Variants in MLST8 observed in about 807,000 individuals in gnomAD.
The protein encoded by MLST8 is target of rapamycin complex subunit LST8.
Under a neutral mutation model 41.3 loss-of-function variants are expected in MLST8, and 20 were observed. That is an observed-to-expected ratio of 0.48 (90% CI 0.34 to 0.70). MLST8 has a LOEUF of 0.70. Among genes scored for constraint, MLST8 ranks in the 30% least tolerant of loss-of-function variants. The probability of loss-of-function intolerance (pLI) is 0.01; values close to 1 mark genes in which losing one functional copy is unlikely to be tolerated. For synonymous variants in MLST8, 243 were observed against 183.0 expected, an observed-to-expected ratio of 1.33 and a Z score of -2.65; for missense variants, 422 against 454.3, an observed-to-expected ratio of 0.93 and a Z score of 0.65.
rs1356315329 is a variant in MLST8, at chr16:2,206,105, C to T, written c.20C>T (p.Thr7Met). MNTSPG[T>M]VGSDPVILAT... Reference sequence around the variant, plus strand: ...CACACCATGAACACCTCCCCAGGCACGGTGGGCAGTGACCCGGTCATCCTG... The same window carrying T: ...CACACCATGAACACCTCCCCAGGCATGGTGGGCAGTGACCCGGTCATCCTG... The change falls in exon 2 of 9, where the codon ACG becomes ATG. Residue 7 changes from threonine to methionine, a missense_variant. Coordinates refer to ENST00000569417, the MANE Select transcript of MLST8 (RefSeq NM_022372.6). The T allele has an allele frequency of 1.9e-6, 3 of 1,606,316 alleles. No homozygotes were observed. The highest frequency in any genetic ancestry group is 2.6e-6 in the Non-Finnish European group (3 of 1,175,194).
Position 2,208,357 on chromosome 16 carries a change from C to T in MLST8, c.698+23C>T, listed in dbSNP as rs745524005. On this transcript the variant is annotated intron_variant, in intron 7 of 8. Transcript: ENST00000569417. ...CACGTGCGTGCAGGGCCTGCTGGCCCGGGAGGGGACCTGCCTGGGCTGGGG... is the reference window on the plus strand; with the variant it reads ...CACGTGCGTGCAGGGCCTGCTGGCCTGGGAGGGGACCTGCCTGGGCTGGGG... The T allele has an allele frequency of 5.6e-5, 90 of 1,604,702 alleles. No homozygotes were observed. In the East Asian group the frequency reaches 9.6e-4, roughly 17 times the overall value.
Position 2,206,492 on chromosome 16 carries a change from C to A in MLST8, c.182-5C>A. Reference sequence around the variant, plus strand: ...GCCAAGCTTCAGTTCAGCCTGTGTCCCTAGGTTACCAGCACATCCGCATGT... The same window carrying A: ...GCCAAGCTTCAGTTCAGCCTGTGTCACTAGGTTACCAGCACATCCGCATGT... On this transcript the variant is annotated splice_region_variant and splice_polypyrimidine_tract_variant and intron_variant, in intron 3 of 8. Transcript: ENST00000569417. 8 of 1,611,108 alleles carry A rather than the reference C, an allele frequency of 5.0e-6. No homozygotes were observed. The highest frequency in any genetic ancestry group is 6.8e-6 in the Non-Finnish European group (8 of 1,177,484).
In MLST8 at chr16:2,206,393, C is replaced by T. The variant is rs761566372; in HGVS notation, c.165C>T (p.Ser55=). The change falls in exon 3 of 9, where the codon AGC becomes AGT. Residue 55 remains serine (S), a synonymous_variant. Transcript: ENST00000569417. ...CCTTGGAGGTCACACCGGACCGCAG[C>T]ATGATTGCTGCTGCAGGTATCTGTG... ...VNALEVTPDR[S]MIAAAGYQHI... 1 of 1,614,188 alleles carries T rather than the reference C, an allele frequency of 6.2e-7. No individual in the cohort carries two copies. The highest frequency in any genetic ancestry group is 1.1e-5 in the South Asian group (1 of 91,088).
chr16:2,206,316 GC>G, intron 2 of MLST8, 41 bp from the exon 3 acceptor site: 1 of 1,611,532 alleles, frequency 6.2e-7, no homozygotes, highest in South Asian at 1.1e-5. Context: ...GGGGGCCCTG[GC>G]CTCAGGGCTA....
chr16:2,207,026 G>C lies in MLST8; in HGVS notation c.345-9G>C, dbSNP rs901138450. 6.2e-7 allele frequency: 1 copy of C among 1,612,812 alleles called. No individual in the cohort carries two copies. Among genetic ancestry groups the C allele is most frequent in the African/African-American group, 1.3e-5 (1 of 75,032 alleles). ...AGATGGACAGCATGTGCCCCGGCCCGGCCCGCAGGTCCCGGAACCTGCAGT... is the reference window on the plus strand; with the variant it reads ...AGATGGACAGCATGTGCCCCGGCCCCGCCCGCAGGTCCCGGAACCTGCAGT... On this transcript the variant is annotated splice_polypyrimidine_tract_variant and intron_variant, in intron 4 of 8. Coordinates refer to ENST00000569417, the MANE Select transcript of MLST8 (RefSeq NM_022372.6).
chr16:2,206,340 C>T lies in MLST8; in HGVS notation c.130-18C>T, dbSNP rs1490915739. ...GGCCTCAGGGCTACCTTCCCGTCAT[C>T]CTCCTTAACAGTCCCAGCAGGTGAA... On this transcript the variant is annotated intron_variant, in intron 2 of 8. Coordinates refer to ENST00000569417, the MANE Select transcript of MLST8 (RefSeq NM_022372.6). The T allele has an allele frequency of 6.8e-6, 11 of 1,613,626 alleles. No individual in the cohort carries two copies. The highest frequency in any genetic ancestry group is 1.3e-5 in the African/African-American group (1 of 74,942).
chr16:2,207,435 C>G, intron 6 of MLST8, 90 bp downstream of exon 6: 1 of 1,488,308 alleles, frequency 6.7e-7, no homozygotes, highest in Non-Finnish European at 9.1e-7. Flanking sequence ...TGTCCCTTAG[C>G]GGCCCCCTCC....
chr16:2,208,662 C>G, intron 8 of MLST8, 49 bp downstream of exon 8: 1 of 1,612,370 alleles, frequency 6.2e-7, no homozygotes, highest in South Asian at 1.1e-5. Context: ...GCGCTGGCCT[C>G]CAGAGCCAGC....
intron 8 of MLST8, 38 bp downstream of exon 8, chr16:2,208,651 G>T: frequency 6.2e-7 from 1 of 1,611,736 alleles, no homozygotes; most frequent in Non-Finnish European, 8.5e-7. Context: ...CCTGGCCCCC[G>T]GCGCTGGCCT....
At chr16:2,206,840 G>A (rs1337288657) in intron 4 of MLST8, 181 bp downstream of exon 4, 8 of 1,018,976 alleles carry the variant, frequency 7.9e-6, no homozygotes, top group Admixed American at 2.0e-5. Flanking sequence ...CCTTGAGCCC[G>A]GAGCCAGCTT....
chr16:2,208,640 C>T (rs1441835213), intron 8 of MLST8, 27 bp downstream of exon 8: 2 of 1,611,856 alleles, frequency 1.2e-6, no homozygotes, highest in Non-Finnish European at 1.7e-6. Flanking sequence ...CCTCCCCCAT[C>T]CCTGGCCCCC....
chr16:2,208,172 G>GT (rs1393158385), intron 6 of MLST8, 38 bp from the exon 7 acceptor site: 1 of 1,569,966 alleles, frequency 6.4e-7, no homozygotes, highest in African/African-American at 1.4e-5. Context: ...TCAGACCTGA[G>GT]GCCTTGGGCC....
In MLST8 at chr16:2,206,001, C is replaced by T. The variant is rs370974584; in HGVS notation, c.-55-30C>T. On this transcript the variant is annotated intron_variant, in intron 1 of 8. Coordinates refer to ENST00000569417, the MANE Select transcript of MLST8 (RefSeq NM_022372.6). ...ATAATCTACTTAGCACAGAGAGTGT[C>T]TTCTAAGTACTTCACATCCTTCTCT... The T allele has an allele frequency of 3.0e-5, 45 of 1,509,492 alleles. No individual in the cohort carries two copies. In the African/African-American group the frequency reaches 3.9e-4, roughly 13 times the overall value. 93.5% of individuals were successfully genotyped at this position (1,509,492 alleles called of 1,614,324 possible).
At chr16:2,206,820 G>GC in intron 4 of MLST8, 161 bp downstream of exon 4, 1 of 1,023,280 alleles carries the variant, frequency 9.8e-7, no homozygotes, top group Non-Finnish European at 1.5e-6. Context: ...GCATCAGAGC[G>GC]CGAGTCCTGC....
chr16:2,208,706 C>T (rs753011668), intron 8 of MLST8, 53 bp from the exon 9 acceptor site: 20 of 1,613,210 alleles, frequency 1.2e-5, no homozygotes, highest in Non-Finnish European at 1.7e-5. Context: ...CTGCTGGGGC[C>T]GCCTGCTTGG....
At position 2,209,424 on chromosome 16, in the gene MLST8, T is replaced by C. The variant is rs771219860; in HGVS notation, c.*547T>C. On this transcript the variant is annotated 3_prime_UTR_variant, in exon 9 of 9. Coordinates refer to ENST00000569417, the MANE Select transcript of MLST8 (RefSeq NM_022372.6). ...ATGTTGCTCGGGAAGCAGATGTCGA[T>C]GCAGAGATAAATCAGCCGCTGTCTC... is the stretch of plus-strand genomic sequence containing the variant. The C allele has an allele frequency of 4.9e-5, 79 of 1,613,712 alleles. No homozygotes were observed. The highest frequency in any genetic ancestry group is 6.7e-5 in the East Asian group (3 of 44,896).
intron 6 of MLST8, 35 bp downstream of exon 6, chr16:2,207,380 C>T: frequency 6.2e-7 from 1 of 1,605,556 alleles, no homozygotes; most frequent in Non-Finnish European, 8.5e-7. Flanking sequence ...GTGCGGGCAG[C>T]TTGGCACTCA....
intron 6 of MLST8, 161 bp from the exon 7 acceptor site, chr16:2,208,049 C>A: frequency 2.6e-6 from 2 of 759,058 alleles, no homozygotes; most frequent in Non-Finnish European, 4.0e-6. Flanking sequence ...TGGGGCCAGG[C>A]TTCCCAGGTG....
chr16:2,205,603 GGGC>G (rs1190028805), intron 1 of MLST8, 91 bp downstream of exon 1: 1 of 869,692 alleles, frequency 1.1e-6, no homozygotes, highest in Non-Finnish European at 1.4e-6. Flanking sequence ...GACGGAGCAA[GGGC>G]GGTCACCGGA....
Sources: gnomAD v4.1 joint callset for allele counts on GRCh38, gnomAD v4.1.1 for gene constraint, MANE v1.5 for transcripts, NCBI Gene and HGNC (gene_info 2026-07-23, HGNC 2026-07-21) for gene names.